Variants in MCPH1 observed in about 807,000 individuals in gnomAD.
The protein encoded by MCPH1 is microcephalin 1, also known as microcephalin.
In MCPH1, 104 loss-of-function variants were observed where a neutral mutation model predicts 84.5. That is an observed-to-expected ratio of 1.23 (90% CI 1.05 to 1.45). The LOEUF is 1.45. MCPH1 is among the 40% of genes most tolerant of loss of function. The pLI is 0.00. For missense variants in MCPH1, 1,498 were observed against 1,005.7 expected (o/e 1.49, Z -6.62); for synonymous variants, 514 against 366.8 (o/e 1.40, Z -4.58).
At chr8:6,471,652 C>G (rs1312201357) in intron 9 of MCPH1, among the ~76,000 whole-genome samples, 4 of 152,162 alleles carry the variant, frequency 2.6e-5, no homozygotes, top group East Asian at 1.9e-4. Context: ...TTTTGTTCCA[C>G]TTGATCTTGG....
At chr8:6,485,058 G>A (rs1281372567) in intron 11 of MCPH1, among the ~76,000 whole-genome samples, 1 of 152,176 alleles carries the variant, frequency 6.6e-6, no homozygotes, top group African/African-American at 2.4e-5. Flanking sequence ...GGGGTGCAGT[G>A]GCTCATGCCT....
At chr8:6,629,172 A>G (rs991476185) in intron 13 of MCPH1, among the ~76,000 whole-genome samples, 1 of 152,214 alleles carries the variant, frequency 6.6e-6, no homozygotes. Flanking sequence ...CCTTATACGA[A>G]GAGGAAGAGG....
chr8:6,639,451 G>A (rs73184465), intron 13 of MCPH1, among the ~76,000 whole-genome samples: 9,204 of 152,158 alleles, frequency 0.06, 384 homozygotes, highest in Middle Eastern at 0.13. Flanking sequence ...GCTTGATGCC[G>A]GGAGTTTGAG....
At chr8:6,550,838 C>T (rs1357041865) in intron 12 of MCPH1, among the ~76,000 whole-genome samples, 2 of 152,176 alleles carry the variant, frequency 1.3e-5, no homozygotes, top group Non-Finnish European at 2.9e-5. Flanking sequence ...ACATGGCGTG[C>T]ACCTGATAAA....
Position 6,417,520 on chromosome 8 carries a change from C to CT in MCPH1, c.233+2646dup, listed in dbSNP as rs200243717. ...TCCTTCTTCTTCATTATTGTTCAGT[C>CT]TTTTTTTTTCTCCTCAGATTGATCT... On this transcript the variant is annotated intron_variant, in intron 3 of 13. Transcript: ENST00000344683. Among the ~76,000 whole-genome samples, 436 of 151,738 alleles carry CT rather than the reference C, an allele frequency of 2.9e-3. 4 individuals are homozygous for CT. The highest frequency in any genetic ancestry group is 1.0e-2 in the African/African-American group (412 of 41,396).
Position 6,409,307 on chromosome 8 carries a change from A to T in MCPH1, c.51A>T (p.Ser17=). 1 of 1,614,126 alleles carries T rather than the reference A, an allele frequency of 6.2e-7. No homozygotes were observed. The highest frequency in any genetic ancestry group is 1.1e-5 in the South Asian group (1 of 91,086). ...KDVVAYVEVW[S]SNGTENYSKT... is the part of the protein sequence containing the mutation. ...TAGTGGCCTATGTTGAAGTGTGGTC[A>T]TCCAATGGAACAGAAAATTATTCAA... Residue 17 remains serine, a synonymous_variant, in exon 2 of 14, where the codon TCA becomes TCT. Transcript: ENST00000344683.
intron 12 of MCPH1, among the ~76,000 whole-genome samples, chr8:6,561,096 T>A (rs1825467453): frequency 6.6e-6 from 1 of 152,222 alleles, no homozygotes; most frequent in Non-Finnish European, 1.5e-5. Flanking sequence ...TAGGATATAG[T>A]TTGCCTTCCA....
chr8:6,563,607 T>G (rs1225557740), intron 12 of MCPH1, among the ~76,000 whole-genome samples: 1 of 152,270 alleles, frequency 6.6e-6, no homozygotes, highest in Admixed American at 6.5e-5. Flanking sequence ...AAGTTCCTGT[T>G]TTTTCCTTTA....
rs1177306119 is a variant in MCPH1, at chr8:6,475,381, G to T, written c.1936-2213G>T. 2.0e-5 allele frequency among the ~76,000 whole-genome samples: 3 copies of T among 152,232 alleles called. No homozygotes were observed. The East Asian group carries it at 5.8e-4, about 29-fold the overall frequency. Reference sequence around the variant, plus strand: ...CTCTCATGGGAGATGTGCTTATCCTGGCAGACGCCCTTGTGGCTCTTTTCT... The same window carrying T: ...CTCTCATGGGAGATGTGCTTATCCTTGCAGACGCCCTTGTGGCTCTTTTCT... On this transcript the variant is annotated intron_variant, in intron 9 of 13. Coordinates refer to ENST00000344683, the MANE Select transcript of MCPH1 (RefSeq NM_024596.5).
At chr8:6,421,084 C>T (rs1387848834) in intron 3 of MCPH1, among the ~76,000 whole-genome samples, 3 of 152,172 alleles carry the variant, frequency 2.0e-5, no homozygotes, top group Non-Finnish European at 4.4e-5. Flanking sequence ...ATGCACAGTG[C>T]GGGAATTGAG....
At position 6,475,979 on chromosome 8, in the gene MCPH1, C is replaced by T. The variant is rs775656412; in HGVS notation, c.1936-1615C>T. Among the ~76,000 whole-genome samples the T allele has an allele frequency of 1.1e-4, 17 of 152,162 alleles. No individual in the cohort carries two copies. The East Asian group carries it at 1.2e-3, about 10-fold the overall frequency. ...ACTGGGGGTGGCAGGTGGAAGCTGT[C>T]GAGGGAAACTAAGCCCTGTTTCTGG... On this transcript the variant is annotated intron_variant, in intron 9 of 13. Transcript: ENST00000344683.
intron 2 of MCPH1, among the ~76,000 whole-genome samples, chr8:6,413,975 A>G (rs10113656): frequency 0.97 from 148,014 of 152,198 alleles, 72,105 homozygotes; most frequent in East Asian, 1. Flanking sequence ...GGCTAGTCTT[A>G]AATTTCTGAC....
intron 12 of MCPH1, among the ~76,000 whole-genome samples, chr8:6,612,329 C>T (rs558353151): frequency 6.6e-6 from 1 of 152,332 alleles, no homozygotes; most frequent in Non-Finnish European, 1.5e-5. Context: ...AACCTCCTCT[C>T]CTCCACAGCC....
intron 9 of MCPH1, among the ~76,000 whole-genome samples, chr8:6,476,894 G>A (rs1356383679): frequency 6.6e-6 from 1 of 152,140 alleles, no homozygotes; most frequent in Non-Finnish European, 1.5e-5. Context: ...CCTATAGAGT[G>A]AACATTTGGC....
chr8:6,535,881 T>C (rs1326595426), intron 12 of MCPH1, among the ~76,000 whole-genome samples: 1 of 133,602 alleles, frequency 7.5e-6, no homozygotes, highest in African/African-American at 2.7e-5. Context: ...AACCCATCTC[T>C]ACAAAAAATA....
intron 13 of MCPH1, among the ~76,000 whole-genome samples, chr8:6,629,115 T>A (rs1462908960): frequency 6.6e-6 from 1 of 152,162 alleles, no homozygotes; most frequent in East Asian, 1.9e-4. Context: ...ATAAATAAGG[T>A]AACATGAGGT....
At chr8:6,482,810 G>C (rs1443630371) in intron 11 of MCPH1, among the ~76,000 whole-genome samples, 1 of 152,150 alleles carries the variant, frequency 6.6e-6, no homozygotes, top group Non-Finnish European at 1.5e-5. Flanking sequence ...TATGATAAAG[G>C]TGGGCATTAA....
In MCPH1 at chr8:6,578,979, C is replaced by A. The variant is rs1375149294; in HGVS notation, c.2215-42475C>A. On this transcript the variant is annotated intron_variant, in intron 12 of 13. Coordinates refer to ENST00000344683, the MANE Select transcript of MCPH1 (RefSeq NM_024596.5). ...GAAATCCTAGCATTGGGCCAGCCAT[C>A]CAGAACAGTGGAGCTGCATGATCTG... is the stretch of plus-strand genomic sequence containing the variant. Among the ~76,000 whole-genome samples, 3 of 152,186 alleles carry A rather than the reference C, an allele frequency of 2.0e-5. No individual in the cohort carries two copies. In the East Asian group the frequency reaches 5.8e-4, roughly 29 times the overall value.
At chr8:6,601,205 G>T (rs1444700121) in intron 12 of MCPH1, among the ~76,000 whole-genome samples, 2 of 152,146 alleles carry the variant, frequency 1.3e-5, no homozygotes, top group Non-Finnish European at 2.9e-5. Context: ...TATTCCTGCA[G>T]CTTCCACCCT....
Sources: gnomAD v4.1 joint callset for allele counts (sites outside exome capture counted in the v4.1 genomes callset) on GRCh38, gnomAD v4.1.1 for gene constraint, MANE v1.5 for transcripts, NCBI Gene and HGNC (gene_info 2026-07-23, HGNC 2026-07-21) for gene names.